Variants in RNLS observed in about 807,000 individuals in gnomAD.
RNLS encodes renalase, FAD dependent amine oxidase.
In RNLS, 39 loss-of-function variants were observed where a neutral mutation model predicts 39.8. The observed-to-expected ratio is 0.98, with a 90% CI of 0.76 to 1.28. The LOEUF is 1.28. RNLS is among the 50% of genes most tolerant of loss of function. The pLI is 0.00. For missense variants in RNLS, 410 were observed against 413.3 expected (o/e 0.99, Z 0.07); for synonymous variants, 147 against 150.7 (o/e 0.98, Z 0.18).
chr10:88,200,816 T>C, the RNLS span, among the ~76,000 whole-genome samples: 4 of 152,036 alleles, frequency 2.6e-5, no homozygotes, highest in African/African-American at 9.7e-5. Flanking sequence ...CTGAATACCA[T>C]AAGCAGAGCA....
intron 4 of RNLS, among the ~76,000 whole-genome samples, chr10:88,502,884 T>G (rs894783606): frequency 1.2e-4 from 18 of 151,996 alleles, no homozygotes; most frequent in African/African-American, 4.1e-4. Flanking sequence ...AAACAAAAAA[T>G]GAAAATATAG....
intron 4 of RNLS, among the ~76,000 whole-genome samples, chr10:88,470,361 C>A (rs2133974776): frequency 6.6e-6 from 1 of 152,184 alleles, no homozygotes; most frequent in Non-Finnish European, 1.5e-5. Context: ...TGGAATCAAC[C>A]TAAATGCCCA....
intron 4 of RNLS, among the ~76,000 whole-genome samples, chr10:88,481,701 A>G (rs1241016538): frequency 6.6e-6 from 1 of 152,134 alleles, no homozygotes; most frequent in East Asian, 1.9e-4. Context: ...ATGAAATCCT[A>G]TGTATTTTAA....
At chr10:88,173,849 T>A in the RNLS span, among the ~76,000 whole-genome samples, 1 of 152,198 alleles carries the variant, frequency 6.6e-6, no homozygotes, top group Non-Finnish European at 1.5e-5. Flanking sequence ...TTTGGTTACA[T>A]GAATAAGTTC....
chr10:88,245,428 G>A, the RNLS span, among the ~76,000 whole-genome samples: 4 of 152,200 alleles, frequency 2.6e-5, no homozygotes, highest in East Asian at 3.9e-4. Flanking sequence ...ACAGAACCCC[G>A]GACCTTCCTA....
intron 1 of RNLS, 89 bp downstream of exon 1, chr10:88,582,984 C>G: frequency 6.9e-7 from 1 of 1,456,932 alleles, no homozygotes; most frequent in Non-Finnish European, 9.3e-7. Context: ...GCGTTTTCGC[C>G]TTAGACTTTC....
At chr10:88,331,605 G>A (rs189642088) in intron 5 of RNLS, among the ~76,000 whole-genome samples, 134 of 152,276 alleles carry the variant, frequency 8.8e-4, no homozygotes, top group Non-Finnish European at 1.7e-3. Context: ...CTAAGTAAAG[G>A]GGAGGACTTA....
chr10:88,468,827 A>G (rs1181908057), intron 4 of RNLS, among the ~76,000 whole-genome samples: 1 of 152,158 alleles, frequency 6.6e-6, no homozygotes, highest in Non-Finnish European at 1.5e-5. Flanking sequence ...GGGCTTATGA[A>G]TATGAATGTC....
intron 4 of RNLS, among the ~76,000 whole-genome samples, chr10:88,487,433 G>C (rs937635401): frequency 3.3e-5 from 5 of 151,654 alleles, no homozygotes; most frequent in African/African-American, 1.2e-4. Context: ...TGAATAGACA[G>C]TTTACTGAAG....
the RNLS span, among the ~76,000 whole-genome samples, chr10:88,234,585 G>A: frequency 6.6e-6 from 1 of 152,284 alleles, no homozygotes; most frequent in East Asian, 1.9e-4. Flanking sequence ...GGGCCTGGTA[G>A]CCAGGGTGGG....
At chr10:88,304,548 A>G (rs1353703139) in intron 6 of RNLS, among the ~76,000 whole-genome samples, 1 of 152,218 alleles carries the variant, frequency 6.6e-6, no homozygotes, top group African/African-American at 2.4e-5. Flanking sequence ...TAATGCAATC[A>G]CTAGTATTAG....
At chr10:88,443,336 A>C (rs1450668762) in intron 4 of RNLS, among the ~76,000 whole-genome samples, 2 of 152,168 alleles carry the variant, frequency 1.3e-5, no homozygotes, top group African/African-American at 4.8e-5. Context: ...TTCCATGGGC[A>C]GTTCCAAGAT....
chr10:88,495,700 A>C (rs1845132664), intron 4 of RNLS, among the ~76,000 whole-genome samples: 1 of 152,096 alleles, frequency 6.6e-6, no homozygotes, highest in Admixed American at 6.6e-5. Context: ...ATGAGTAAAG[A>C]AGAGTGGGGC....
chr10:88,393,020 T>G (rs1852304539), intron 4 of RNLS, among the ~76,000 whole-genome samples: 1 of 152,052 alleles, frequency 6.6e-6, no homozygotes, highest in South Asian at 2.1e-4. Context: ...CTCAATAAAT[T>G]AGGTATTGAT....
chr10:88,199,485 C>A, the RNLS span, among the ~76,000 whole-genome samples: 1 of 152,168 alleles, frequency 6.6e-6, no homozygotes, highest in African/African-American at 2.4e-5. Context: ...CCCGATATTG[C>A]CAAATGTCTC....
At chr10:88,476,146 G>A (rs999738603) in intron 4 of RNLS, among the ~76,000 whole-genome samples, 3 of 152,094 alleles carry the variant, frequency 2.0e-5, no homozygotes, top group African/African-American at 7.2e-5. Flanking sequence ...TCTAAGGAAC[G>A]GATGTGCTTT....
intron 4 of RNLS, among the ~76,000 whole-genome samples, chr10:88,388,344 CCT>C (rs1381835874): frequency 6.6e-6 from 1 of 152,154 alleles, no homozygotes; most frequent in Non-Finnish European, 1.5e-5. Flanking sequence ...TTTCTGGCAC[CCT>C]GTCTTCCCCA....
intron 5 of RNLS, among the ~76,000 whole-genome samples, chr10:88,350,619 T>TC (rs1432117639): frequency 6.6e-6 from 1 of 152,220 alleles, no homozygotes. Context: ...ATTTTCTTAA[T>TC]CCAGTCTATC....
chr10:88,199,198 A>T, the RNLS span, among the ~76,000 whole-genome samples: 1 of 152,138 alleles, frequency 6.6e-6, no homozygotes, highest in African/African-American at 2.4e-5. Context: ...CTCAGAGTGG[A>T]AGCCTGAACT....
Sources: gnomAD v4.1 joint callset for allele counts (sites outside exome capture counted in the v4.1 genomes callset) on GRCh38, gnomAD v4.1.1 for gene constraint, MANE v1.5 for transcripts, NCBI Gene and HGNC (gene_info 2026-07-23, HGNC 2026-07-21) for gene names.